Variants in MARK2 observed in about 807,000 individuals in gnomAD.
MARK2 encodes the protein microtubule affinity regulating kinase 2.
In MARK2, 16 loss-of-function variants were observed where a neutral mutation model predicts 89.8. The observed-to-expected ratio is 0.18, with a 90% confidence interval of 0.12 to 0.27. The LOEUF (loss-of-function observed/expected upper bound fraction) is 0.27, where lower values mean the gene tolerates loss of function less well. Among genes scored for constraint, MARK2 ranks in the 10% least tolerant of loss-of-function variants. The probability of loss-of-function intolerance (pLI) is 1.00; values close to 1 mark genes in which losing one functional copy is unlikely to be tolerated. For synonymous variants in MARK2, 382 were observed against 399.5 expected (o/e 0.96, Z 0.52); for missense variants, 621 against 1,049.9 (o/e 0.59, Z 5.65).
At chr11:63,842,532 A>G (rs1350131480) in intron 1 of MARK2, among the ~76,000 whole-genome samples, 1 of 152,078 alleles carries the variant, frequency 6.6e-6, no homozygotes, top group Admixed American at 6.6e-5. Flanking sequence ...TAAAACGGGA[A>G]AAAAGACAAG....
chr11:63,873,162 C>T (rs1938556728), intron 1 of MARK2, among the ~76,000 whole-genome samples: 1 of 152,140 alleles, frequency 6.6e-6, no homozygotes, highest in South Asian at 2.1e-4. Flanking sequence ...CCACCCTGTT[C>T]TCTAATAGCT....
In MARK2 at chr11:63,909,468, C is replaced by G. The variant is rs1017141003; in HGVS notation, c.*231C>G. On this transcript the variant is annotated 3_prime_UTR_variant, in exon 19 of 19. Transcript: ENST00000402010. Reference sequence around the variant, plus strand: ...CCAGAGATTCCCCCTTCTCCTCTCCCCTACTGGAGGCAAAGGAAGGGGAGG... The same window carrying G: ...CCAGAGATTCCCCCTTCTCCTCTCCGCTACTGGAGGCAAAGGAAGGGGAGG... 9.3e-6 allele frequency: 4 copies of G among 428,476 alleles called. No individual in the cohort carries two copies. Among genetic ancestry groups the G allele is most frequent in the East Asian group, 3.8e-5 (1 of 26,124 alleles). The allele number at this position is 428,476 out of a possible 1,614,324, so 26.5% of individuals were successfully genotyped here.
At chr11:63,862,009 C>T (rs570164186) in intron 1 of MARK2, among the ~76,000 whole-genome samples, 157 of 150,576 alleles carry the variant, frequency 1.0e-3, no homozygotes, top group African/African-American at 3.4e-3. Flanking sequence ...CTGCAGTCTC[C>T]GCCTCCTGGG....
At position 63,900,688 on chromosome 11, in the gene MARK2, G is replaced by A; in HGVS notation, c.888+10G>A. On this transcript the variant is annotated intron_variant, in intron 9 of 18. Coordinates refer to ENST00000402010, the MANE Select transcript of MARK2 (RefSeq NM_001039469.3). The surrounding 1 kb of genome is among the most constrained non-coding windows in gnomAD (Gnocchi z 4.7). ...GAGAGGCACTTTAGAGGTGAGCAGTGGAGCCCAACTGGCGGAAGGGCCTGG... is the reference window on the plus strand; with the variant it reads ...GAGAGGCACTTTAGAGGTGAGCAGTAGAGCCCAACTGGCGGAAGGGCCTGG... 1 of 1,614,016 alleles carries A rather than the reference G, an allele frequency of 6.2e-7. No homozygotes were observed. Among genetic ancestry groups the A allele is most frequent in the South Asian group, 1.1e-5 (1 of 91,068 alleles).
At chr11:63,860,242 A>G (rs984695704) in intron 1 of MARK2, among the ~76,000 whole-genome samples, 2 of 152,194 alleles carry the variant, frequency 1.3e-5, no homozygotes, top group African/African-American at 4.8e-5. Context: ...ACTTTGACCA[A>G]CTTTAAGCAA....
chr11:63,892,321 C>T (rs866030659), intron 1 of MARK2, among the ~76,000 whole-genome samples: 10 of 152,204 alleles, frequency 6.6e-5, no homozygotes, highest in African/African-American at 1.9e-4. Flanking sequence ...AAAGGCCCTA[C>T]GTGGGCACAG....
intron 3 of MARK2, among the ~76,000 whole-genome samples, chr11:63,896,280 A>C (rs1940395471): frequency 6.6e-6 from 1 of 152,174 alleles, no homozygotes; most frequent in South Asian, 2.1e-4. Context: ...CTATGCAAAA[A>C]CACATGTTTG....
chr11:63,906,185 A>G (rs1484462826), intron 17 of MARK2, 71 bp downstream of exon 17: 8 of 1,246,602 alleles, frequency 6.4e-6, no homozygotes, highest in Admixed American at 8.3e-5. Context: ...CTCCATCACT[A>G]ACTCCCCTTT....
chr11:63,885,339 T>C (rs1939327751), intron 1 of MARK2, among the ~76,000 whole-genome samples: 1 of 148,482 alleles, frequency 6.7e-6, no homozygotes, highest in African/African-American at 2.5e-5. Flanking sequence ...TTGAGTTCAG[T>C]ACCAGCCTGG....
chr11:63,903,957 C>G lies in MARK2; in HGVS notation c.1515-29C>G. Reference sequence around the variant, plus strand: ...CTCCCGCCCTCACTCACCCCTAACACGGGCCTCTCCGCTGCTTTTGTTTCC... The same window carrying G: ...CTCCCGCCCTCACTCACCCCTAACAGGGGCCTCTCCGCTGCTTTTGTTTCC... On this transcript the variant is annotated intron_variant, in intron 14 of 18. Coordinates refer to ENST00000402010, the MANE Select transcript of MARK2 (RefSeq NM_001039469.3). This position sits in a 1 kb window ranked among gnomAD's most constrained non-coding sequence, Gnocchi z 5.1. The G allele has an allele frequency of 6.3e-7, 1 of 1,580,636 alleles. No individual in the cohort carries two copies. Among genetic ancestry groups the G allele is most frequent in the Non-Finnish European group, 8.6e-7 (1 of 1,161,436 alleles).
chr11:63,910,603 G>A lies in MARK2; in HGVS notation c.*1366G>A, dbSNP rs1941688031. ...ACAGAGGCTGCCCCTACCCTCACCT[G>A]AGTTGTACATTTTTTTGTGATGGGT... On this transcript the variant is annotated 3_prime_UTR_variant, in exon 19 of 19. Coordinates refer to ENST00000402010, the MANE Select transcript of MARK2 (RefSeq NM_001039469.3). The A allele has an allele frequency of 6.6e-6, 1 of 151,814 alleles. No homozygotes were observed. The highest frequency in any genetic ancestry group is 1.5e-5 in the Non-Finnish European group (1 of 67,960). 9.4% of individuals were successfully genotyped at this position (151,814 alleles called of 1,614,324 possible).
chr11:63,839,403 G>T lies in MARK2; in HGVS notation c.-104G>T, dbSNP rs1312461645. 2.0e-5 allele frequency: 13 copies of T among 665,634 alleles called. No homozygotes were observed. The East Asian group carries it at 4.3e-4, about 22-fold the overall frequency. 41.2% of individuals were successfully genotyped at this position (665,634 alleles called of 1,614,324 possible). ...CGCACCCCCGGCCGGGGCCCATGCG[G>T]CGGGTGCTCCTGCTGTGAGAAGCCC... On this transcript the variant is annotated 5_prime_UTR_variant, in exon 1 of 19. Transcript: ENST00000402010.
At position 63,839,350 on chromosome 11, in the gene MARK2, G is replaced by T; in HGVS notation, c.-157G>T. On this transcript the variant is annotated 5_prime_UTR_variant, in exon 1 of 19. Transcript: ENST00000402010. The stretch of plus-strand genomic sequence containing the variant: ...CCTAGCCCGAGCGGCGCATCCCCGG[G>T]CTGGCGTGAGCGGCTGCCCGGCCTC... The T allele has an allele frequency of 1.9e-6, 1 of 531,350 alleles. No individual in the cohort carries two copies. Among genetic ancestry groups the T allele is most frequent in the Non-Finnish European group, 3.3e-6 (1 of 307,614 alleles). 32.9% of individuals were successfully genotyped at this position (531,350 alleles called of 1,614,324 possible).
Position 63,889,224 on chromosome 11 carries a change from C to T in MARK2, c.55-5935C>T, listed in dbSNP as rs183102085. 6.2e-3 allele frequency among the ~76,000 whole-genome samples: 944 copies of T among 152,230 alleles called. 9 individuals carry two copies. Among genetic ancestry groups the T allele is most frequent in the Non-Finnish European group, 8.4e-3 (574 of 68,014 alleles). ...CTGGTGGGAGGCAGAGGCCTGAGGCCTCAGAGAGGATGCTCCCGTGCTACA... is the reference window on the plus strand; with the variant it reads ...CTGGTGGGAGGCAGAGGCCTGAGGCTTCAGAGAGGATGCTCCCGTGCTACA... On this transcript the variant is annotated intron_variant, in intron 1 of 18. Coordinates refer to ENST00000402010, the MANE Select transcript of MARK2 (RefSeq NM_001039469.3).
intron 1 of MARK2, among the ~76,000 whole-genome samples, chr11:63,863,535 G>T (rs1415169867): frequency 7.1e-6 from 1 of 141,324 alleles, no homozygotes; most frequent in Non-Finnish European, 1.5e-5. Flanking sequence ...CGCAATCTCA[G>T]CTCACTGCAA....
intron 1 of MARK2, among the ~76,000 whole-genome samples, chr11:63,856,321 G>T (rs72934139): frequency 0.2 from 10,180 of 51,304 alleles, 505 homozygotes; most frequent in South Asian, 0.42. Flanking sequence ...TTTTTTTTTT[G>T]TTTTTTTTTT....
intron 1 of MARK2, among the ~76,000 whole-genome samples, chr11:63,885,440 G>A (rs772594601): frequency 1.3e-5 from 2 of 151,524 alleles, no homozygotes; most frequent in Non-Finnish European, 2.9e-5. Flanking sequence ...TCGGGAGGCT[G>A]AGGTGGGAGG....
In MARK2 at chr11:63,904,837, C is replaced by T. The variant is rs771679899; in HGVS notation, c.1728C>T (p.Ser576=). ...CCTCCCCATCCGCCCACAACATCAGCAGCAGTGGTGGAGCCCCAGACCGAA... is the reference window on the plus strand; with the variant it reads ...CCTCCCCATCCGCCCACAACATCAGTAGCAGTGGTGGAGCCCCAGACCGAA... ...PVASPSAHNI[S]SSGGAPDRTN... The change falls in exon 16 of 19, where the codon AGC becomes AGT. Residue 576 remains serine (S), a synonymous_variant. Coordinates refer to ENST00000402010, the MANE Select transcript of MARK2 (RefSeq NM_001039469.3). The surrounding 1 kb of genome is among the most constrained non-coding windows in gnomAD (Gnocchi z 6.3). The T allele has an allele frequency of 2.5e-6, 4 of 1,614,204 alleles. No homozygotes were observed. The Admixed American group carries it at 6.7e-5, about 27-fold the overall frequency.
At chr11:63,908,338 G>A (rs1038356530) in intron 18 of MARK2, 34 bp downstream of exon 18, 6 of 1,537,466 alleles carry the variant, frequency 3.9e-6, no homozygotes, top group East Asian at 2.4e-5. Flanking sequence ...GGCCCTGCCC[G>A]GGCCACCGGG....
Sources: gnomAD v4.1 joint callset for allele counts (sites outside exome capture counted in the v4.1 genomes callset) on GRCh38, gnomAD v4.1.1 for gene constraint, Gnocchi (gnomAD v3.1) non-coding constraint, MANE v1.5 for transcripts, NCBI Gene and HGNC (gene_info 2026-07-23, HGNC 2026-07-21) for gene names.